Variants in ADAMTSL3 observed in about 807,000 individuals in gnomAD.
ADAMTSL3 encodes ADAMTS-like protein 3.
A neutral mutation model predicts 201.7 loss-of-function variants in ADAMTSL3; 128 were observed. The observed-to-expected ratio is 0.63, with a 90% CI of 0.55 to 0.73. The LOEUF (loss-of-function observed/expected upper bound fraction) is 0.73, where lower values mean the gene tolerates loss of function less well. Ranked by LOEUF, ADAMTSL3 falls within the 30% of genes least tolerant of loss-of-function variation. ADAMTSL3 has a pLI of 0.00. For missense variants in ADAMTSL3, 1,990 were observed against 2,119.6 expected (o/e 0.94, Z 1.20); for synonymous variants, 738 against 748.4 (o/e 0.99, Z 0.23).
At chr15:83,686,076 G>A (rs1596024809) in intron 2 of ADAMTSL3, among the ~76,000 whole-genome samples, 1 of 152,106 alleles carries the variant, frequency 6.6e-6, no homozygotes, top group South Asian at 2.1e-4. Flanking sequence ...AGTAGCAGAC[G>A]CCTCTCTTTT....
chr15:83,758,387 A>C (rs2062754082), intron 3 of ADAMTSL3, among the ~76,000 whole-genome samples: 1 of 152,174 alleles, frequency 6.6e-6, no homozygotes. Flanking sequence ...TGTGAGACTT[A>C]TTCACTGTCA....
chr15:83,698,378 C>T (rs565924124), intron 2 of ADAMTSL3, among the ~76,000 whole-genome samples: 11 of 152,262 alleles, frequency 7.2e-5, no homozygotes, highest in South Asian at 2.1e-4. Flanking sequence ...TGTATCCCCA[C>T]GTCTCATATT....
At chr15:83,670,226 C>G (rs1251823024) in intron 2 of ADAMTSL3, among the ~76,000 whole-genome samples, 2 of 137,228 alleles carry the variant, frequency 1.5e-5, no homozygotes, top group Non-Finnish European at 3.0e-5. Flanking sequence ...CCACTGCACT[C>G]CAGCCTGGGT....
chr15:83,944,102 C>T (rs1404296865), intron 19 of ADAMTSL3, among the ~76,000 whole-genome samples: 1 of 152,104 alleles, frequency 6.6e-6, no homozygotes, highest in Non-Finnish European at 1.5e-5. Flanking sequence ...GTCATGCAAA[C>T]TAAAACTTAC....
intron 3 of ADAMTSL3, among the ~76,000 whole-genome samples, chr15:83,745,758 A>G (rs1256604574): frequency 6.6e-6 from 1 of 152,218 alleles, no homozygotes; most frequent in Non-Finnish European, 1.5e-5. Flanking sequence ...CATTAATTCA[A>G]TGAAGTGAAA....
At chr15:83,828,983 T>A (rs1476497133) in intron 6 of ADAMTSL3, among the ~76,000 whole-genome samples, 1 of 149,604 alleles carries the variant, frequency 6.7e-6, no homozygotes, top group African/African-American at 2.4e-5. Context: ...TGGTCTAAAA[T>A]TCTCTTTTTT....
At chr15:83,741,779 T>G (rs2062459122) in intron 3 of ADAMTSL3, among the ~76,000 whole-genome samples, 1 of 152,230 alleles carries the variant, frequency 6.6e-6, no homozygotes, top group East Asian at 1.9e-4. Flanking sequence ...AGAGGATCAC[T>G]TCCATCTAGG....
chr15:83,675,965 G>A (rs2061399385), intron 2 of ADAMTSL3, among the ~76,000 whole-genome samples: 1 of 151,908 alleles, frequency 6.6e-6, no homozygotes, highest in Non-Finnish European at 1.5e-5. Flanking sequence ...TTTGAAGTTT[G>A]CATTTTTTCT....
chr15:83,965,518 A>C (rs1162475614), intron 19 of ADAMTSL3, among the ~76,000 whole-genome samples: 1 of 152,230 alleles, frequency 6.6e-6, no homozygotes, highest in Non-Finnish European at 1.5e-5. Flanking sequence ...ATACAGGAGC[A>C]CCCAGATTCA....
intron 4 of ADAMTSL3, among the ~76,000 whole-genome samples, chr15:83,787,192 G>A (rs978241953): frequency 5.3e-5 from 8 of 152,126 alleles, no homozygotes; most frequent in Non-Finnish European, 1.2e-4. Flanking sequence ...TAGTGTTTCC[G>A]TAGGATCTCA....
In ADAMTSL3 at chr15:83,668,757, A is replaced by G. The variant is rs139912301; in HGVS notation, c.69+12927A>G. ...CTACATTTTGGTTCTGTTTCTTGCT[A>G]TTTTTAAAAATTTGTGTGCATCAAT... On this transcript the variant is annotated intron_variant, in intron 2 of 29. Transcript: ENST00000286744. Among the ~76,000 whole-genome samples, 891 of 152,130 alleles carry G rather than the reference A, an allele frequency of 5.9e-3. 12 individuals are homozygous for G. The highest frequency in any genetic ancestry group is 0.02 in the African/African-American group (828 of 41,502).
At chr15:83,941,080 T>A (rs1041743926) in intron 17 of ADAMTSL3, among the ~76,000 whole-genome samples, 7 of 150,994 alleles carry the variant, frequency 4.6e-5, no homozygotes, top group East Asian at 1.9e-4. Flanking sequence ...AATTTTTTAA[T>A]TTTTTTTGTC....
chr15:83,797,892 G>C (rs1422803595), intron 4 of ADAMTSL3, among the ~76,000 whole-genome samples: 1 of 151,976 alleles, frequency 6.6e-6, no homozygotes, highest in Non-Finnish European at 1.5e-5. Context: ...CAGAACTGTG[G>C]GTGCAGTTTA....
At chr15:84,036,592 T>C (rs1444458167) in intron 28 of ADAMTSL3, among the ~76,000 whole-genome samples, 181 bp from the exon 29 acceptor site, 3 of 152,298 alleles carry the variant, frequency 2.0e-5, no homozygotes, top group African/African-American at 4.8e-5. Flanking sequence ...TGGTGGAGAA[T>C]GTTGTCACTG....
At chr15:84,035,180 C>T (rs2068482305) in intron 28 of ADAMTSL3, among the ~76,000 whole-genome samples, 1 of 152,166 alleles carries the variant, frequency 6.6e-6, no homozygotes, top group African/African-American at 2.4e-5. Flanking sequence ...TCCTGTCTGA[C>T]TTCCCACTGG....
At position 84,014,596 on chromosome 15, in the gene ADAMTSL3, A is replaced by G. The variant is rs1273786542; in HGVS notation, c.4028A>G (p.Asn1343Ser). The G allele has an allele frequency of 4.3e-6, 7 of 1,613,998 alleles. No homozygotes were observed. The Admixed American group carries it at 5.0e-5, about 12-fold the overall frequency. Residue 1343 changes from asparagine to serine, a missense_variant, in exon 24 of 30, where the codon AAT (asparagine) becomes AGT (serine). By Grantham distance (46) the Asn-to-Ser change is conservative (BLOSUM62 1). Coordinates refer to ENST00000286744, the MANE Select transcript of ADAMTSL3 (RefSeq NM_207517.3). ...WLKRGGSLSG[N>S]VSLLFNGSLL... ...AAGAGAGGAGGATCTCTGAGTGGCA[A>G]TGTTTCCTTGCTTTTCAATGGATCC...
chr15:83,724,942 T>TA (rs373814167), intron 3 of ADAMTSL3, among the ~76,000 whole-genome samples: 1 of 152,160 alleles, frequency 6.6e-6, no homozygotes, highest in African/African-American at 2.4e-5. Context: ...ATTTTTTTTT[T>TA]ATCCATTCAT....
chr15:83,810,266 C>T (rs2063672091), intron 5 of ADAMTSL3, among the ~76,000 whole-genome samples: 1 of 152,192 alleles, frequency 6.6e-6, no homozygotes, highest in African/African-American at 2.4e-5. Flanking sequence ...TTGAGCAACA[C>T]ACCTGCTTGT....
At chr15:83,827,260 GTGA>G (rs1447462857) in intron 6 of ADAMTSL3, among the ~76,000 whole-genome samples, 2 of 152,212 alleles carry the variant, frequency 1.3e-5, no homozygotes, top group Non-Finnish European at 2.9e-5. Context: ...CTGATGGCCA[GTGA>G]TGATGAGCAT....
Sources: gnomAD v4.1 joint callset for allele counts (sites outside exome capture counted in the v4.1 genomes callset) on GRCh38, gnomAD v4.1.1 for gene constraint, MANE v1.5 for transcripts, NCBI Gene and HGNC (gene_info 2026-07-23, HGNC 2026-07-21) for gene names.